The following TCP11L1 variants were observed in gnomAD, a reference collection of about 807,000 sequenced individuals.
TCP11L1 encodes the protein T-complex protein 11-like protein 1.
In TCP11L1, 28 loss-of-function variants were observed where a neutral mutation model predicts 48.9. The observed-to-expected ratio is 0.57, with a 90% CI of 0.42 to 0.78. The LOEUF (loss-of-function observed/expected upper bound fraction) is 0.78, where lower values mean the gene tolerates loss of function less well. Among genes scored for constraint, TCP11L1 ranks in the 30% least tolerant of loss-of-function variants. The pLI is 0.00. For missense variants in TCP11L1, 505 were observed against 613.4 expected (o/e 0.82, Z 1.87); for synonymous variants, 204 against 231.9 (o/e 0.88, Z 1.09).
intron 8 of TCP11L1, 29 bp downstream of exon 8, chr11:33,066,040 A>G: frequency 6.2e-7 from 1 of 1,611,384 alleles, no homozygotes; most frequent in South Asian, 1.1e-5. Context: ...CGTGGATGGG[A>G]CGCAGTGGAT....
In TCP11L1 at chr11:33,065,873, A is replaced by G; in HGVS notation, c.1016A>G (p.Gln339Arg). 2 of 1,614,136 alleles carry G rather than the reference A, an allele frequency of 1.2e-6. No individual in the cohort carries two copies. The highest frequency in any genetic ancestry group is 1.7e-6 in the Non-Finnish European group (2 of 1,179,980). Residue 339 changes from glutamine (Q) to arginine (R), a missense_variant, in exon 8 of 10, where the codon CAG becomes CGG. By Grantham distance (43) the Gln-to-Arg change is conservative. This residue lies in a region of TCP11L1 where 335 missense variants were observed against 413.3 expected (regional missense o/e 0.81). Transcript: ENST00000334274. ...DQSRFHELQL[Q>R]LEQLTILGAV... ...TCTCGCTTCCACGAGCTCCAGTTGC[A>G]GCTGGAACAACTGACCATCCTGGGG...
At chr11:33,072,342 G>A in intron 9 of TCP11L1, 132 bp from the exon 10 acceptor site, 1 of 844,508 alleles carries the variant, frequency 1.2e-6, no homozygotes, top group South Asian at 1.6e-5. Context: ...AGGTGCTGTG[G>A]GTATCTGGTC....
In TCP11L1 at chr11:33,043,978, T is replaced by C. The variant is rs192423984; in HGVS notation, c.163+42T>C. The C allele has an allele frequency of 6.6e-5, 102 of 1,538,124 alleles. 1 individual carries two copies. Among genetic ancestry groups the C allele is most frequent in the Non-Finnish European group, 3.5e-6 (4 of 1,144,640 alleles). ...TTGGTTAGATGCAATATTGTCATTG[T>C]TTTCAGGTGACGGTTTTATGAGGCC... On this transcript the variant is annotated intron_variant, in intron 2 of 9. Transcript: ENST00000334274.
intron 9 of TCP11L1, 22 bp from the exon 10 acceptor site, chr11:33,072,452 A>C (rs1197765885): frequency 1.2e-6 from 2 of 1,613,262 alleles, no homozygotes; most frequent in African/African-American, 2.7e-5. Context: ...GAAACAACTG[A>C]CCACTTTCTT....
chr11:33,064,143 A>C (rs1271757723), intron 7 of TCP11L1, among the ~76,000 whole-genome samples: 1 of 152,132 alleles, frequency 6.6e-6, no homozygotes, highest in East Asian at 1.9e-4. Flanking sequence ...TCTCGTAAAA[A>C]AAATAAATAG....
Position 33,046,508 on chromosome 11 carries a change from ACATT to A in TCP11L1, c.163+2573_163+2576del, listed in dbSNP as rs1293068874. ...TAGTAATAACCAAAAAAGTATATCA[ACATT>A]TGTTTGTATATGCATGTTTTTAGGA... is the stretch of plus-strand genomic sequence containing the variant. On this transcript the variant is annotated intron_variant, in intron 2 of 9. Coordinates refer to ENST00000334274, the MANE Select transcript of TCP11L1 (RefSeq NM_018393.4). Among the ~76,000 whole-genome samples, 3 of 125,118 alleles carry A rather than the reference ACATT, an allele frequency of 2.4e-5. No individual in the cohort carries two copies. The East Asian group carries it at 7.4e-4, about 31-fold the overall frequency. 82.1% of individuals were successfully genotyped at this position (125,118 alleles called of 152,430 possible).
chr11:33,057,053 A>G, intron 3 of TCP11L1, 62 bp from the exon 4 acceptor site: 1 of 1,608,358 alleles, frequency 6.2e-7, no homozygotes, highest in Non-Finnish European at 8.5e-7. Context: ...TGCTTTTGAA[A>G]GTGATTTGAA....
At position 33,072,580 on chromosome 11, in the gene TCP11L1, A is replaced by C; in HGVS notation, c.1434A>C (p.Glu478Asp). ...GTCCAGTTCAGAGAGAGCTGGAGGAAGTTGCTATTAAATTTGCTCGCCTGG... is the reference window on the plus strand; with the variant it reads ...GTCCAGTTCAGAGAGAGCTGGAGGACGTTGCTATTAAATTTGCTCGCCTGG... The part of the protein sequence containing the change: ...GLSPVQRELE[E>D]VAIKFARLVN... Residue 478 changes from glutamate to aspartate, a missense_variant, in exon 10 of 10, where the codon GAA becomes GAC. Coordinates refer to ENST00000334274, the MANE Select transcript of TCP11L1 (RefSeq NM_018393.4). The C allele has an allele frequency of 6.2e-7, 1 of 1,614,156 alleles. No homozygotes were observed. Among genetic ancestry groups the C allele is most frequent in the Non-Finnish European group, 8.5e-7 (1 of 1,180,014 alleles).
Position 33,061,513 on chromosome 11 carries a change from A to G in TCP11L1, c.776-17A>G, listed in dbSNP as rs375050942. Reference sequence around the variant, plus strand: ...TTCTTGGTGTCAAGGTAATGTGTGCAGCTTTGTTTTTCACAGATTCCCTGG... The same window carrying G: ...TTCTTGGTGTCAAGGTAATGTGTGCGGCTTTGTTTTTCACAGATTCCCTGG... On this transcript the variant is annotated splice_polypyrimidine_tract_variant and intron_variant, in intron 6 of 9. Transcript: ENST00000334274. The G allele has an allele frequency of 1.3e-5, 20 of 1,585,560 alleles. No homozygotes were observed. Among genetic ancestry groups the G allele is most frequent in the African/African-American group, 2.7e-5 (2 of 74,416 alleles).
At chr11:33,058,549 A>T (rs1332674912) in intron 5 of TCP11L1, among the ~76,000 whole-genome samples, 1 of 139,670 alleles carries the variant, frequency 7.2e-6, no homozygotes, top group Non-Finnish European at 1.6e-5. Context: ...CATGGATTTA[A>T]AAAAAAAAAA....
chr11:33,043,693 G>C, intron 1 of TCP11L1, 57 bp from the exon 2 acceptor site: 1 of 1,449,696 alleles, frequency 6.9e-7, no homozygotes, highest in Non-Finnish European at 9.3e-7. Flanking sequence ...CACATTGCTA[G>C]TTGGTGACAG....
chr11:33,058,086 A>G lies in TCP11L1; in HGVS notation c.585A>G (p.Arg195=). ...GMMGTLCAPA[R]DEEVKKLKDI... ...TGGGGACACTGTGTGCACCTGCTCG[A>G]GATGAGGAAGTTAAGAAACTAAAGG... Residue 195 remains arginine, a synonymous_variant, in exon 5 of 10, where the codon CGA becomes CGG. Transcript: ENST00000334274. 6.2e-7 allele frequency: 1 copy of G among 1,614,164 alleles called. No individual in the cohort carries two copies. The highest frequency in any genetic ancestry group is 2.2e-5 in the East Asian group (1 of 44,886).
chr11:33,056,203 A>G (rs1330115078), intron 3 of TCP11L1, among the ~76,000 whole-genome samples: 1 of 152,060 alleles, frequency 6.6e-6, no homozygotes, highest in Non-Finnish European at 1.5e-5. Context: ...TCCATCTCCT[A>G]GGTTCAAGCA....
chr11:33,068,374 T>C (rs1047092906), intron 8 of TCP11L1, among the ~76,000 whole-genome samples: 5 of 152,154 alleles, frequency 3.3e-5, no homozygotes, highest in Non-Finnish European at 7.3e-5. Flanking sequence ...TATATCAAGA[T>C]ATTCTGAGGT....
In TCP11L1 at chr11:33,072,507, T is replaced by G; in HGVS notation, c.1361T>G (p.Leu454Arg). The G allele has an allele frequency of 6.2e-7, 1 of 1,614,146 alleles. No individual in the cohort carries two copies. Among genetic ancestry groups the G allele is most frequent in the South Asian group, 1.1e-5 (1 of 91,082 alleles). ...ATCCTGACCTTCTTAGAAACCTACC[T>G]TGCCTCGGGTCATCAGAAGCCATTG... Reference protein sequence around the residue: ...SRILTFLETYLASGHQKPLPT... With the variant: ...SRILTFLETYRASGHQKPLPT... The change falls in exon 10 of 10, where the codon CTT becomes CGT. Residue 454 changes from leucine (L) to arginine (R), a missense_variant. Around this residue, in one of 3 missense-constraint regions of TCP11L1, gnomAD observed 335 missense variants for 413.3 expected, o/e 0.81. Transcript: ENST00000334274.
chr11:33,056,028 G>C (rs572620280), intron 3 of TCP11L1, among the ~76,000 whole-genome samples: 1 of 152,272 alleles, frequency 6.6e-6, no homozygotes, highest in African/African-American at 2.4e-5. Flanking sequence ...TTGTTGGTCA[G>C]GCTGGTCTCA....
rs562055802 is a variant in TCP11L1 at position 33,052,845 on chromosome 11, T to A, written c.164-1748T>A. 3.9e-5 allele frequency among the ~76,000 whole-genome samples: 6 copies of A among 151,918 alleles called. No individual in the cohort carries two copies. The East Asian group carries it at 9.7e-4, about 24-fold the overall frequency. On this transcript the variant is annotated intron_variant, in intron 2 of 9. Coordinates refer to ENST00000334274, the MANE Select transcript of TCP11L1 (RefSeq NM_018393.4). ...CTTGTCTTTAAAAAAATAGAAAAAA[T>A]AACCAGACATGGTGGCATGTGCCTG...
chr11:33,050,860 C>T (rs1854140365), intron 2 of TCP11L1, among the ~76,000 whole-genome samples: 1 of 150,810 alleles, frequency 6.6e-6, no homozygotes, highest in Non-Finnish European at 1.5e-5. Context: ...GTCACCTATG[C>T]TGGAGTGCTG....
At chr11:33,054,337 T>C (rs546522113) in intron 2 of TCP11L1, among the ~76,000 whole-genome samples, 1 of 152,284 alleles carries the variant, frequency 6.6e-6, no homozygotes, top group Admixed American at 6.5e-5. Context: ...TTCAGTTTAC[T>C]GTAATTATTT....
Sources: allele counts gnomAD v4.1 joint callset (sites outside exome capture counted in the v4.1 genomes callset), GRCh38; gene constraint gnomAD v4.1.1; regional missense constraint gnomAD v4.1.1; transcripts MANE v1.5; gene names NCBI Gene and HGNC (gene_info 2026-07-23, HGNC 2026-07-21).